HIP1: variants seen among roughly 807,000 people sequenced by gnomAD.
The protein encoded by HIP1 is huntingtin-interacting protein 1.
In HIP1, 65 loss-of-function variants were observed where a neutral mutation model predicts 147.6. That is an observed-to-expected ratio of 0.44 (90% confidence interval 0.36 to 0.54). The LOEUF (loss-of-function observed/expected upper bound fraction) is 0.54, where lower values mean the gene tolerates loss of function less well. HIP1 is among the 20% of genes least tolerant of loss of function. The pLI, the probability that HIP1 is intolerant of heterozygous loss-of-function variation, is 0.00. For missense variants in HIP1, 1,061 were observed against 1,299.6 expected, an observed-to-expected ratio of 0.82 and a Z score of 2.82; for synonymous variants, 479 against 504.0, an observed-to-expected ratio of 0.95 and a Z score of 0.67.
At chr7:75,738,671 GC>G (rs1291022701) in intron 1 of HIP1, 129 bp downstream of exon 1, 1 of 1,150,814 alleles carries the variant, frequency 8.7e-7, no homozygotes, top group Non-Finnish European at 1.2e-6. Flanking sequence ...GCACGTCAAT[GC>G]CCCCGCTCAC....
intron 7 of HIP1, among the ~76,000 whole-genome samples, chr7:75,578,108 C>G (rs1040071240): frequency 6.6e-6 from 1 of 152,174 alleles, no homozygotes; most frequent in Admixed American, 6.6e-5. Context: ...TCTCAGCTAA[C>G]CAAGTCCTTT....
chr7:75,707,977 G>C (rs1554519872), intron 1 of HIP1, among the ~76,000 whole-genome samples: 1 of 141,760 alleles, frequency 7.1e-6, no homozygotes, highest in Non-Finnish European at 1.5e-5. Context: ...TTATACGTTA[G>C]ACCTAAAACC....
chr7:75,638,853 C>T (rs1798535611), intron 1 of HIP1, among the ~76,000 whole-genome samples: 1 of 151,760 alleles, frequency 6.6e-6, no homozygotes, highest in African/African-American at 2.4e-5. Context: ...AAAGCCAGAG[C>T]CCATCCCGGC....
intron 1 of HIP1, among the ~76,000 whole-genome samples, chr7:75,673,791 C>T (rs1490227952): frequency 2.2e-5 from 3 of 134,116 alleles, no homozygotes; most frequent in African/African-American, 8.8e-5. Context: ...TGAGACCAGC[C>T]TGGGCAACAT....
chr7:75,722,590 CCGGATGCG>C (rs1554521703), intron 1 of HIP1, among the ~76,000 whole-genome samples: 1 of 152,164 alleles, frequency 6.6e-6, no homozygotes, highest in African/African-American at 2.4e-5. Flanking sequence ...GAGTAAGTAT[CCGGATGCG>C]GCAGGCCTAC....
chr7:75,538,246 T>A lies in HIP1; in HGVS notation c.3062-22A>T, dbSNP rs200203249. Reference sequence around the variant, plus strand: ...GTTCCTAAAAGACAATGATAATTTATGTTGCAAAGCACTCATGAATGCATT... The same window carrying A: ...GTTCCTAAAAGACAATGATAATTTAAGTTGCAAAGCACTCATGAATGCATT... On this transcript the variant is annotated intron_variant, in intron 30 of 30. Coordinates refer to ENST00000336926, the MANE Select transcript of HIP1 (RefSeq NM_005338.7). 805 of 1,603,506 alleles carry A rather than the reference T, an allele frequency of 5.0e-4. 1 individual carries two copies. The highest frequency in any genetic ancestry group is 6.4e-4 in the Non-Finnish European group (754 of 1,170,370).
At chr7:75,578,050 G>A (rs1795906716) in intron 7 of HIP1, among the ~76,000 whole-genome samples, 2 of 152,032 alleles carry the variant, frequency 1.3e-5, no homozygotes, top group Non-Finnish European at 2.9e-5. Flanking sequence ...CATGAGATGT[G>A]GCACAAAAAA....
chr7:75,591,985 A>C, intron 4 of HIP1, 71 bp downstream of exon 4: 3 of 1,191,492 alleles, frequency 2.5e-6, no homozygotes, highest in Admixed American at 1.7e-5. Context: ...TTCACCCTCC[A>C]GTCCTTGCTC....
intron 1 of HIP1, among the ~76,000 whole-genome samples, chr7:75,665,811 G>C (rs893780218): frequency 1.1e-4 from 17 of 152,264 alleles, no homozygotes; most frequent in Middle Eastern, 3.4e-3. Context: ...AAAGTGCTGG[G>C]ATTACAGGCA....
chr7:75,581,963 TC>T, intron 6 of HIP1, 111 bp downstream of exon 6: 1 of 824,826 alleles, frequency 1.2e-6, no homozygotes. Context: ...GGGGCTTTGG[TC>T]CCCATCCCAG....
chr7:75,681,749 C>G (rs1800080425), intron 1 of HIP1, among the ~76,000 whole-genome samples: 1 of 151,932 alleles, frequency 6.6e-6, no homozygotes, highest in Non-Finnish European at 1.5e-5. Flanking sequence ...TTAAGCGATT[C>G]TCCCACCTCC....
At chr7:75,611,466 CAAAAA>C (rs11390672) in intron 1 of HIP1, among the ~76,000 whole-genome samples, 1 of 87,660 alleles carries the variant, frequency 1.1e-5, no homozygotes. Flanking sequence ...GACTCTGTCT[CAAAAA>C]AAAAAAAAAA....
chr7:75,609,487 C>T (rs1797346597), intron 1 of HIP1, among the ~76,000 whole-genome samples: 2 of 152,070 alleles, frequency 1.3e-5, no homozygotes, highest in Non-Finnish European at 1.5e-5. Context: ...CCACCATACA[C>T]GCTCCCTCTT....
chr7:75,623,750 C>A (rs1797938481), intron 1 of HIP1, among the ~76,000 whole-genome samples: 1 of 152,190 alleles, frequency 6.6e-6, no homozygotes, highest in Non-Finnish European at 1.5e-5. Context: ...TCTTCTCCTC[C>A]TCCTCATTGC....
chr7:75,604,347 G>A (rs782418184), intron 1 of HIP1, among the ~76,000 whole-genome samples: 20 of 152,178 alleles, frequency 1.3e-4, no homozygotes, highest in Non-Finnish European at 2.4e-4. Context: ...AATATGGGCC[G>A]TGAGGAAGAG....
At chr7:75,701,064 T>C (rs935099137) in intron 1 of HIP1, among the ~76,000 whole-genome samples, 5 of 152,200 alleles carry the variant, frequency 3.3e-5, no homozygotes, top group South Asian at 2.1e-4. Flanking sequence ...CCTCTCCGGA[T>C]GGGATGAGAA....
intron 1 of HIP1, among the ~76,000 whole-genome samples, chr7:75,636,927 G>C (rs1212670083): frequency 2.6e-5 from 4 of 152,122 alleles, no homozygotes; most frequent in African/African-American, 9.7e-5. Flanking sequence ...AATGTCTTCA[G>C]CCTCACCCAA....
chr7:75,551,765 C>G (rs1794792595), intron 22 of HIP1, among the ~76,000 whole-genome samples: 1 of 145,544 alleles, frequency 6.9e-6, no homozygotes, highest in East Asian at 2.1e-4. Context: ...AGACAGGGCG[C>G]CACTAAGTTG....
chr7:75,542,759 C>T, intron 28 of HIP1, 92 bp downstream of exon 28: 2 of 1,169,814 alleles, frequency 1.7e-6, no homozygotes, highest in East Asian at 2.4e-5. Context: ...AATTTAGACA[C>T]AGTCCTGTGG....
Sources: gnomAD v4.1 joint callset for allele counts (sites outside exome capture counted in the v4.1 genomes callset) on GRCh38, gnomAD v4.1.1 for gene constraint, MANE v1.5 for transcripts, NCBI Gene and HGNC (gene_info 2026-07-23, HGNC 2026-07-21) for gene names.